C1orf21: variants seen among roughly 807,000 people sequenced by gnomAD.
The protein encoded by C1orf21 is uncharacterized protein C1orf21.
Under a neutral mutation model 18.7 loss-of-function variants are expected in C1orf21, and 3 were observed. The observed-to-expected ratio is 0.16, with a 90% CI of 0.07 to 0.42. The LOEUF (loss-of-function observed/expected upper bound fraction) is 0.42. Ranked by LOEUF, C1orf21 falls within the 10% of genes least tolerant of loss-of-function variation. The pLI is 0.99. For missense variants in C1orf21, 104 were observed against 143.6 expected, an observed-to-expected ratio of 0.72 and a Z score of 1.41; for synonymous variants, 41 against 46.4, an observed-to-expected ratio of 0.88 and a Z score of 0.47.
At chr1:184,540,679 C>A (rs1658634169) in intron 3 of C1orf21, among the ~76,000 whole-genome samples, 1 of 152,194 alleles carries the variant, frequency 6.6e-6, no homozygotes, top group Non-Finnish European at 1.5e-5. Flanking sequence ...GATCTGCCCA[C>A]CTTGGTCTCC....
chr1:184,410,598 GATTA>G (rs1249545222), intron 1 of C1orf21, among the ~76,000 whole-genome samples: 6 of 82,500 alleles, frequency 7.3e-5, no homozygotes, highest in Non-Finnish European at 1.2e-4. Flanking sequence ...CATAGTGAAA[GATTA>G]ATTTGCCATA....
chr1:184,425,838 C>G (rs1571352090), intron 1 of C1orf21, among the ~76,000 whole-genome samples: 1 of 152,236 alleles, frequency 6.6e-6, no homozygotes, highest in African/African-American at 2.4e-5. Flanking sequence ...TAGACCTTAT[C>G]TCAGTCCGCC....
intron 1 of C1orf21, among the ~76,000 whole-genome samples, chr1:184,398,737 C>A (rs2101955931): frequency 6.6e-6 from 1 of 152,188 alleles, no homozygotes; most frequent in Middle Eastern, 3.4e-3. Flanking sequence ...GCAGTTGTAA[C>A]AAAATGGTAT....
intron 1 of C1orf21, among the ~76,000 whole-genome samples, chr1:184,432,677 AAAG>A (rs1450321868): frequency 6.6e-6 from 1 of 152,182 alleles, no homozygotes; most frequent in East Asian, 1.9e-4. Context: ...AAAAAAAAGA[AAAG>A]AAAAAAAAAT....
At chr1:184,552,304 C>A (rs1450183861) in intron 3 of C1orf21, among the ~76,000 whole-genome samples, 1 of 152,110 alleles carries the variant, frequency 6.6e-6, no homozygotes, top group Non-Finnish European at 1.5e-5. Flanking sequence ...AGAAGAATAA[C>A]CTTATAGTAT....
chr1:184,393,403 G>A (rs1656003114), intron 1 of C1orf21, among the ~76,000 whole-genome samples: 1 of 151,892 alleles, frequency 6.6e-6, no homozygotes, highest in South Asian at 2.1e-4. Context: ...GCACATACCT[G>A]CCTCTGCCTG....
chr1:184,405,817 C>G lies in C1orf21; in HGVS notation c.-125+18449C>G, dbSNP rs112498989. On this transcript the variant is annotated intron_variant, in intron 1 of 5. Transcript: ENST00000235307. Reference sequence around the variant, plus strand: ...GTCTCTTTCCCTGGGAGCTGTTAGACTTGCTTTTTCCAGGGACTGAAGTGA... The same window carrying G: ...GTCTCTTTCCCTGGGAGCTGTTAGAGTTGCTTTTTCCAGGGACTGAAGTGA... 5.3e-3 allele frequency among the ~76,000 whole-genome samples: 811 copies of G among 152,276 alleles called. 2 individuals are homozygous for G. Among genetic ancestry groups the G allele is most frequent in the Non-Finnish European group, 8.9e-3 (603 of 68,022 alleles).
At chr1:184,492,878 C>T (rs993488265) in intron 2 of C1orf21, among the ~76,000 whole-genome samples, 1 of 152,148 alleles carries the variant, frequency 6.6e-6, no homozygotes, top group Non-Finnish European at 1.5e-5. Flanking sequence ...TAAACAAAAT[C>T]TAGGCCAAAA....
At chr1:184,544,407 A>C (rs1027403749) in intron 3 of C1orf21, among the ~76,000 whole-genome samples, 1 of 152,190 alleles carries the variant, frequency 6.6e-6, no homozygotes, top group Non-Finnish European at 1.5e-5. Flanking sequence ...TGAAATTAAA[A>C]AAACACAGGT....
chr1:184,491,563 G>C (rs1350623891), intron 2 of C1orf21, among the ~76,000 whole-genome samples: 1 of 152,078 alleles, frequency 6.6e-6, no homozygotes, highest in Non-Finnish European at 1.5e-5. Flanking sequence ...TATTGCCCAG[G>C]CTGTTCTCGA....
At chr1:184,443,553 T>C (rs956397969) in intron 1 of C1orf21, among the ~76,000 whole-genome samples, 2 of 152,230 alleles carry the variant, frequency 1.3e-5, no homozygotes, top group African/African-American at 4.8e-5. Context: ...TTAAACATAG[T>C]ACCTGTAAAA....
At chr1:184,427,847 T>A (rs1656666395) in intron 1 of C1orf21, among the ~76,000 whole-genome samples, 1 of 152,180 alleles carries the variant, frequency 6.6e-6, no homozygotes, top group Admixed American at 6.5e-5. Context: ...TACTCTTAGC[T>A]CATTTTGGGC....
At chr1:184,492,302 G>A (rs1209750421) in intron 2 of C1orf21, among the ~76,000 whole-genome samples, 1 of 152,172 alleles carries the variant, frequency 6.6e-6, no homozygotes, top group Admixed American at 6.5e-5. Flanking sequence ...GGAGTGAGTG[G>A]GTGGAACTGT....
chr1:184,395,554 G>T (rs1656039146), intron 1 of C1orf21, among the ~76,000 whole-genome samples: 1 of 151,928 alleles, frequency 6.6e-6, no homozygotes, highest in Admixed American at 6.6e-5. Context: ...AGATAAAAAG[G>T]CCTGGCCCTG....
At chr1:184,395,953 A>G (rs145989205) in intron 1 of C1orf21, among the ~76,000 whole-genome samples, 4 of 152,140 alleles carry the variant, frequency 2.6e-5, no homozygotes, top group African/African-American at 9.6e-5. Context: ...AATTTTTTTT[A>G]TTTTACTGTA....
rs1163608786 is a variant in C1orf21 at position 184,620,880 on chromosome 1, A to AT, written c.*1331dup. On this transcript the variant is annotated 3_prime_UTR_variant, in exon 6 of 6. Transcript: ENST00000235307. ...ATCAAAAGGAGAAAATAACTTTTGT[A>AT]TTTTTTTAATGTGTTTGATAGCTTT... The AT allele has an allele frequency of 2.0e-5, 3 of 152,558 alleles. No homozygotes were observed. The highest frequency in any genetic ancestry group is 1.9e-4 in the East Asian group (1 of 5,190). 9.5% of individuals were successfully genotyped at this position (152,558 alleles called of 1,614,324 possible).
chr1:184,542,217 AAGAC>A (rs750673280), intron 3 of C1orf21, among the ~76,000 whole-genome samples: 28 of 152,178 alleles, frequency 1.8e-4, no homozygotes, highest in Non-Finnish European at 3.8e-4. Flanking sequence ...ATCAAGGTAA[AAGAC>A]AGGGCAATTC....
At chr1:184,549,717 T>G (rs926994876) in intron 3 of C1orf21, among the ~76,000 whole-genome samples, 5 of 152,002 alleles carry the variant, frequency 3.3e-5, no homozygotes, top group South Asian at 2.1e-4. Context: ...ATTCCAGGTG[T>G]TTTTTCTCTA....
chr1:184,433,350 T>A (rs148256099), intron 1 of C1orf21, among the ~76,000 whole-genome samples: 2,429 of 152,338 alleles, frequency 0.016, 76 homozygotes, highest in African/African-American at 0.055. Context: ...CTTCTCTTTA[T>A]AGAGGACTGG....
Sources: gnomAD v4.1 joint callset for allele counts (sites outside exome capture counted in the v4.1 genomes callset) on GRCh38, gnomAD v4.1.1 for gene constraint, MANE v1.5 for transcripts, NCBI Gene and HGNC (gene_info 2026-07-23, HGNC 2026-07-21) for gene names.